Variants in NRG3 observed in about 807,000 individuals in gnomAD.
The protein encoded by NRG3 is pro-neuregulin-3, membrane-bound isoform.
NRG3 carries 31 observed loss-of-function variants against 66.9 expected under a neutral mutation model. That is an observed-to-expected ratio of 0.46 (90% CI 0.35 to 0.63). NRG3 has a LOEUF of 0.63. Ranked by LOEUF, NRG3 falls within the 20% of genes least tolerant of loss-of-function variation. The probability of loss-of-function intolerance (pLI) is 0.00; values close to 1 mark genes in which losing one functional copy is unlikely to be tolerated. For synonymous variants in NRG3, 393 were observed against 359.4 expected (o/e 1.09, Z -1.06); for missense variants, 910 against 878.9 (o/e 1.04, Z -0.45).
At chr10:82,589,120 T>G (rs2046842208) in intron 2 of NRG3, among the ~76,000 whole-genome samples, 1 of 152,124 alleles carries the variant, frequency 6.6e-6, no homozygotes, top group South Asian at 2.1e-4. Context: ...CAGTCTCCCT[T>G]AACTCTGTTC....
At chr10:82,249,527 T>A (rs953200450) in intron 1 of NRG3, among the ~76,000 whole-genome samples, 1 of 151,948 alleles carries the variant, frequency 6.6e-6, no homozygotes, top group Non-Finnish European at 1.5e-5. Flanking sequence ...ATTTGTTGAA[T>A]GAAAAAGAAA....
chr10:82,202,323 T>TA (rs950231540), intron 1 of NRG3, among the ~76,000 whole-genome samples: 11 of 152,154 alleles, frequency 7.2e-5, no homozygotes, highest in Non-Finnish European at 1.6e-4. Flanking sequence ...GGAATTTTAG[T>TA]ACATAGTTAT....
chr10:82,944,235 AAAAAC>A (rs1374646398), intron 4 of NRG3, among the ~76,000 whole-genome samples: 3 of 152,218 alleles, frequency 2.0e-5, no homozygotes, highest in African/African-American at 7.2e-5. Flanking sequence ...GCTTCAAGTA[AAAAAC>A]AAAACAAAAC....
chr10:82,967,249 A>G (rs1490044065), intron 6 of NRG3, among the ~76,000 whole-genome samples: 2 of 151,502 alleles, frequency 1.3e-5, no homozygotes, highest in African/African-American at 2.4e-5. Flanking sequence ...TGAAGGTTGC[A>G]TATAGACTAA....
In NRG3 at chr10:82,116,162, C is replaced by CA. The variant is rs894323124; in HGVS notation, c.823+240007dup. 3.3e-5 allele frequency among the ~76,000 whole-genome samples: 5 copies of CA among 151,766 alleles called. No homozygotes were observed. In the East Asian group the frequency reaches 7.7e-4, roughly 23 times the overall value. On this transcript the variant is annotated intron_variant, in intron 1 of 8. Transcript: ENST00000372141. Reference sequence around the variant, plus strand: ...TGAAACAATAATGACTACATTATTCCAAAAAAAATTTTTTTAGTAGTTAGA... The same window carrying CA: ...TGAAACAATAATGACTACATTATTCCAAAAAAAAATTTTTTTAGTAGTTAGA...
At chr10:82,342,092 C>T (rs1337893928) in intron 1 of NRG3, among the ~76,000 whole-genome samples, 3 of 149,206 alleles carry the variant, frequency 2.0e-5, no homozygotes, top group Non-Finnish European at 4.4e-5. Context: ...ATATATCATA[C>T]TATATGATAT....
At chr10:82,865,330 C>A in intron 3 of NRG3, 81 bp from the exon 4 acceptor site, 1 of 1,430,426 alleles carries the variant, frequency 7.0e-7, no homozygotes, top group Non-Finnish European at 9.8e-7. Context: ...GTCTTATGAG[C>A]ACTGATTTCC....
chr10:82,330,464 A>T (rs1019453083), intron 1 of NRG3, among the ~76,000 whole-genome samples: 12 of 152,200 alleles, frequency 7.9e-5, no homozygotes, highest in African/African-American at 2.9e-4. Context: ...ACTGCATGAA[A>T]TTCCACTGTA....
chr10:82,544,236 T>G (rs2043740394), intron 2 of NRG3, among the ~76,000 whole-genome samples: 1 of 152,182 alleles, frequency 6.6e-6, no homozygotes, highest in Admixed American at 6.6e-5. Flanking sequence ...TCCTTATAAT[T>G]AGGGTAGAGG....
intron 1 of NRG3, among the ~76,000 whole-genome samples, chr10:82,219,434 A>G (rs2075838022): frequency 6.6e-6 from 1 of 151,922 alleles, no homozygotes; most frequent in Admixed American, 6.6e-5. Flanking sequence ...AGATGAATCT[A>G]TTTTAAGATC....
intron 1 of NRG3, among the ~76,000 whole-genome samples, chr10:81,930,992 C>G (rs910311748): frequency 6.6e-6 from 1 of 152,134 alleles, no homozygotes; most frequent in Non-Finnish European, 1.5e-5. Flanking sequence ...GCTGATTGTT[C>G]AAGCTGGTTA....
Position 82,352,337 on chromosome 10 carries a change from G to GGT in NRG3, c.824-6400_824-6399dup, listed in dbSNP as rs140713527. On this transcript the variant is annotated intron_variant, in intron 1 of 8. Transcript: ENST00000372141. ...TAGCAAGTTTGAGAATATCCCATAG[G>GGT]GTGAGGCTCATTTTTGTTAGACTTT... Among the ~76,000 whole-genome samples the GGT allele has an allele frequency of 2.9e-3, 445 of 152,154 alleles. 3 individuals are homozygous for GGT. Among genetic ancestry groups the GGT allele is most frequent in the African/African-American group, 0.01 (435 of 41,546 alleles).
intron 2 of NRG3, among the ~76,000 whole-genome samples, chr10:82,545,418 G>C (rs1460279699): frequency 3.0e-5 from 4 of 131,998 alleles, no homozygotes; most frequent in Admixed American, 2.6e-4. Context: ...TCTCTCTGTC[G>C]CCCAGGCTGG....
At chr10:81,923,386 T>C (rs1846450145) in intron 1 of NRG3, among the ~76,000 whole-genome samples, 1 of 152,186 alleles carries the variant, frequency 6.6e-6, no homozygotes, top group African/African-American at 2.4e-5. Flanking sequence ...TTTGTATTTT[T>C]AGTAGAGACG....
intron 2 of NRG3, among the ~76,000 whole-genome samples, chr10:82,648,729 G>C (rs901040358): frequency 6.6e-6 from 1 of 152,108 alleles, no homozygotes; most frequent in Non-Finnish European, 1.5e-5. Flanking sequence ...CACGTCCCTT[G>C]TAAGTTGGAT....
intron 1 of NRG3, among the ~76,000 whole-genome samples, chr10:82,155,942 G>T (rs2071153692): frequency 6.6e-6 from 1 of 151,554 alleles, no homozygotes; most frequent in South Asian, 2.1e-4. Context: ...TTTCTCACTA[G>T]AAAACATATC....
In NRG3 at chr10:82,916,833, C is replaced by T. The variant is rs537122341; in HGVS notation, c.1055-34636C>T. Among the ~76,000 whole-genome samples, 4 of 152,244 alleles carry T rather than the reference C, an allele frequency of 2.6e-5. No homozygotes were observed. The East Asian group carries it at 5.8e-4, about 22-fold the overall frequency. ...GTTTCACCATGTTGGCCAGGCTGGT[C>T]ACAAACTCCTGACCTCAAGTGACCC... On this transcript the variant is annotated intron_variant, in intron 4 of 8. Coordinates refer to ENST00000372141, the MANE Select transcript of NRG3 (RefSeq NM_001010848.4).
chr10:82,439,749 A>T lies in NRG3; in HGVS notation c.953+80881A>T, dbSNP rs917840894. Among the ~76,000 whole-genome samples the T allele has an allele frequency of 5.3e-5, 8 of 152,104 alleles. 1 individual carries two copies. In the South Asian group the frequency reaches 1.7e-3, roughly 32 times the overall value. On this transcript the variant is annotated intron_variant, in intron 2 of 8. Coordinates refer to ENST00000372141, the MANE Select transcript of NRG3 (RefSeq NM_001010848.4). ...TTTAATGTTGTGTTCTTGGAATAAA[A>T]TTAATTTGGTCATGGTGTTTTATTC... is the stretch of plus-strand genomic sequence containing the variant.
At chr10:82,684,927 G>A (rs1261458289) in intron 2 of NRG3, among the ~76,000 whole-genome samples, 3 of 152,152 alleles carry the variant, frequency 2.0e-5, no homozygotes, top group Non-Finnish European at 4.4e-5. Flanking sequence ...TTAGTGCCTT[G>A]ATAAGGAATT....
Sources: gnomAD v4.1 joint callset for allele counts (sites outside exome capture counted in the v4.1 genomes callset) on GRCh38, gnomAD v4.1.1 for gene constraint, MANE v1.5 for transcripts, NCBI Gene and HGNC (gene_info 2026-07-23, HGNC 2026-07-21) for gene names.